The following LRPPRC variants were observed in gnomAD, a reference collection of about 807,000 sequenced individuals.
The protein encoded by LRPPRC is leucine-rich PPR motif-containing protein, mitochondrial.
In LRPPRC, 120 loss-of-function variants were observed where a neutral mutation model predicts 180.3. The observed-to-expected ratio is 0.67, with a 90% CI of 0.57 to 0.77. The LOEUF is 0.77. Ranked by LOEUF, LRPPRC falls within the 30% of genes least tolerant of loss-of-function variation. LRPPRC has a pLI of 0.00. For missense variants in LRPPRC, 2,012 were observed against 1,657.2 expected (o/e 1.21, Z -3.72); for synonymous variants, 723 against 600.0 (o/e 1.21, Z -3.00).
At chr2:43,956,937 T>C (rs764548639) in intron 14 of LRPPRC, among the ~76,000 whole-genome samples, 8 of 152,206 alleles carry the variant, frequency 5.3e-5, no homozygotes, top group Non-Finnish European at 8.8e-5. Context: ...TATTCCCTTT[T>C]ACTATTCTTT....
chr2:43,982,546 A>G (rs1330033655), intron 1 of LRPPRC, 112 bp from the exon 2 acceptor site: 1 of 779,044 alleles, frequency 1.3e-6, no homozygotes, highest in Non-Finnish European at 2.2e-6. Flanking sequence ...AAATCACAGT[A>G]CAATACCAAA....
At chr2:43,965,282 A>C (rs1673506835) in intron 11 of LRPPRC, among the ~76,000 whole-genome samples, 1 of 152,132 alleles carries the variant, frequency 6.6e-6, no homozygotes, top group African/African-American at 2.4e-5. Context: ...GCTGGTCTTG[A>C]ACCCCTGACC....
intron 23 of LRPPRC, among the ~76,000 whole-genome samples, chr2:43,940,126 C>A (rs537712880): frequency 6.6e-6 from 1 of 152,326 alleles, no homozygotes; most frequent in South Asian, 2.1e-4. Context: ...CATCTTATCA[C>A]TGTCCTGTCC....
intron 25 of LRPPRC, among the ~76,000 whole-genome samples, chr2:43,931,820 AGAAT>A (rs1298305848): frequency 7.2e-5 from 11 of 152,160 alleles, no homozygotes; most frequent in Admixed American, 7.2e-4. Context: ...TGAAACCTCC[AGAAT>A]GAAGCTCTTT....
chr2:43,919,166 C>T (rs1572919020), intron 27 of LRPPRC, among the ~76,000 whole-genome samples: 1 of 152,078 alleles, frequency 6.6e-6, no homozygotes, highest in Admixed American at 6.5e-5. Flanking sequence ...GAGGGATCTA[C>T]GTTGTGAACT....
At position 43,979,819 on chromosome 2, in the gene LRPPRC, A is replaced by C; in HGVS notation, c.469+7T>G. The C allele has an allele frequency of 6.2e-7, 1 of 1,612,612 alleles. No individual in the cohort carries two copies. Among genetic ancestry groups the C allele is most frequent in the Non-Finnish European group, 8.5e-7 (1 of 1,178,732 alleles). ...TTTATACACATCATATATTTAAACA[A>C]TCATACCTAATTTCTGAAGTGTGTC... On this transcript the variant is annotated splice_region_variant and intron_variant, in intron 3 of 37. Coordinates refer to ENST00000260665, the MANE Select transcript of LRPPRC (RefSeq NM_133259.4).
intron 2 of LRPPRC, among the ~76,000 whole-genome samples, chr2:43,980,502 G>A (rs143175126): frequency 1.2e-4 from 17 of 141,162 alleles, no homozygotes; most frequent in African/African-American, 3.5e-4. Context: ...GCGGTGAGCC[G>A]ACATTGCACC....
chr2:43,967,710 G>C (rs1283473792), intron 11 of LRPPRC, among the ~76,000 whole-genome samples: 3 of 152,006 alleles, frequency 2.0e-5, no homozygotes, highest in Non-Finnish European at 2.9e-5. Flanking sequence ...TAATAATAAT[G>C]TTTTTTAAAA....
At chr2:43,912,640 C>A in intron 29 of LRPPRC, 82 bp from the exon 30 acceptor site, 1 of 1,203,384 alleles carries the variant, frequency 8.3e-7, no homozygotes, top group South Asian at 1.3e-5. Context: ...GAAACAAAGA[C>A]CTAAACCCAA....
chr2:43,928,905 C>A (rs1190606504), intron 25 of LRPPRC, among the ~76,000 whole-genome samples: 4 of 152,150 alleles, frequency 2.6e-5, no homozygotes, highest in African/African-American at 9.7e-5. Flanking sequence ...AAAGACTGAA[C>A]TACTAATAGC....
chr2:43,917,283 C>T (rs1232218847), intron 29 of LRPPRC, among the ~76,000 whole-genome samples: 1 of 151,914 alleles, frequency 6.6e-6, no homozygotes, highest in East Asian at 2.0e-4. Context: ...TCGTGATCTG[C>T]CAGCTTTGGG....
chr2:43,908,383 A>C (rs556383920), intron 30 of LRPPRC, among the ~76,000 whole-genome samples: 1 of 152,246 alleles, frequency 6.6e-6, no homozygotes, highest in Non-Finnish European at 1.5e-5. Context: ...AGTTACTATT[A>C]CTTTAGAGGT....
Position 43,918,035 on chromosome 2 carries a change from G to C in LRPPRC, c.3138C>G (p.Asn1046Lys). The change falls in exon 29 of 38, where the codon AAC becomes AAG. Residue 1046 changes from asparagine (N) to lysine (K), a missense_variant. Coordinates refer to ENST00000260665, the MANE Select transcript of LRPPRC (RefSeq NM_133259.4). ...CCCGTATGTGCTTGCCTTTTTTTTG[G>C]TTCAATCGGCAGGCAATCAATATAT... is the stretch of plus-strand genomic sequence containing the variant. ...QKDILIACRL[N>K]QKKGAYDIFL... 2 of 1,571,728 alleles carry C rather than the reference G, an allele frequency of 1.3e-6. No homozygotes were observed. Among genetic ancestry groups the C allele is most frequent in the Non-Finnish European group, 1.7e-6 (2 of 1,158,394 alleles).
In LRPPRC at chr2:43,982,331, A is replaced by C. The variant is rs374005521; in HGVS notation, c.253T>G (p.Trp85Gly). 7.4e-6 allele frequency: 12 copies of C among 1,613,330 alleles called. No individual in the cohort carries two copies. In the African/African-American group the frequency reaches 1.5e-4, roughly 20 times the overall value. ...GAAAGATCTAGTCTCATTAGAGCCC[A>C]ATCAAACTGATTGGAAATCTTCCTA... ...SSRKISNQFD[W>G]ALMRLDLSVR... Residue 85 changes from tryptophan (W) to glycine (G), a missense_variant, in exon 2 of 38, where the codon TGG (tryptophan) becomes GGG (glycine). By Grantham distance (184) the Trp-to-Gly change is radical. Transcript: ENST00000260665.
chr2:43,905,636 C>T, intron 31 of LRPPRC, 56 bp downstream of exon 31: 1 of 1,266,252 alleles, frequency 7.9e-7, no homozygotes, highest in Non-Finnish European at 1.2e-6. Flanking sequence ...AAGGGCGTTA[C>T]AAGAAAAATC....
At chr2:43,943,619 T>G in intron 23 of LRPPRC, 68 bp downstream of exon 23, 1 of 1,310,012 alleles carries the variant, frequency 7.6e-7, no homozygotes, top group Admixed American at 1.7e-5. Flanking sequence ...TTATAAAGTA[T>G]AATCCGAAAA....
intron 29 of LRPPRC, among the ~76,000 whole-genome samples, chr2:43,913,668 C>T (rs1483702259): frequency 6.6e-6 from 1 of 152,084 alleles, no homozygotes; most frequent in Non-Finnish European, 1.5e-5. Flanking sequence ...ACAGTTTGGG[C>T]AAGTGAAAGT....
At chr2:43,972,826 G>A (rs534901499) in intron 11 of LRPPRC, among the ~76,000 whole-genome samples, 12 of 152,174 alleles carry the variant, frequency 7.9e-5, no homozygotes, top group Admixed American at 2.6e-4. Context: ...TAACAATTCT[G>A]CATCTCATTC....
intron 23 of LRPPRC, among the ~76,000 whole-genome samples, chr2:43,938,594 C>A (rs9309111): frequency 2.0e-5 from 3 of 151,912 alleles, no homozygotes; most frequent in Non-Finnish European, 2.9e-5. Context: ...GAAGAACATC[C>A]CGATAAATAA....
Sources: allele counts gnomAD v4.1 joint callset (sites outside exome capture counted in the v4.1 genomes callset), GRCh38; gene constraint gnomAD v4.1.1; transcripts MANE v1.5; gene names NCBI Gene and HGNC (gene_info 2026-07-23, HGNC 2026-07-21).